The following ATAD2 variants were observed in gnomAD, a reference collection of about 807,000 sequenced individuals.
The protein encoded by ATAD2 is ATPase family AAA domain-containing protein 2.
In ATAD2, 62 loss-of-function variants were observed where a neutral mutation model predicts 168.9. The ratio of observed to expected loss-of-function variants is 0.37; its 90% CI spans 0.30 to 0.45. The LOEUF is 0.45. Ranked by LOEUF, ATAD2 falls within the 20% of genes least tolerant of loss-of-function variation. The pLI is 1.00. For missense variants in ATAD2, 1,419 were observed against 1,667.8 expected (o/e 0.85, Z 2.60); for synonymous variants, 613 against 571.6 (o/e 1.07, Z -1.03).
intron 24 of ATAD2, among the ~76,000 whole-genome samples, chr8:123,331,852 C>T (rs1315265214): frequency 2.6e-5 from 4 of 152,176 alleles, no homozygotes; most frequent in East Asian, 3.9e-4. Flanking sequence ...CATCACACAT[C>T]GTTTTAAGCA....
At chr8:123,326,687 AAACC>A (rs1827625300) in intron 25 of ATAD2, among the ~76,000 whole-genome samples, 1 of 152,170 alleles carries the variant, frequency 6.6e-6, no homozygotes, top group South Asian at 2.1e-4. Flanking sequence ...CAAAACAAAC[AAACC>A]AACCCAGCCA....
intron 7 of ATAD2, chr8:123,369,537 T>C (rs971162722): frequency 1.8e-5 from 7 of 390,472 alleles, no homozygotes; most frequent in African/African-American, 8.0e-5. Context: ...CCTATCTCTA[T>C]ACAAACTGAC....
chr8:123,343,837 C>T (rs1828145034), intron 19 of ATAD2, among the ~76,000 whole-genome samples: 2 of 152,016 alleles, frequency 1.3e-5, no homozygotes, highest in African/African-American at 4.8e-5. Context: ...TATTGAGAAA[C>T]TCTGATCAAA....
chr8:123,357,771 T>G (rs370464563), intron 11 of ATAD2, 35 bp from the exon 12 acceptor site: 1 of 1,527,386 alleles, frequency 6.5e-7, no homozygotes, highest in Admixed American at 2.3e-5. Flanking sequence ...TAGTATTACA[T>G]TTAAAAAGCA....
upstream of ATAD2, chr8:123,400,450 G>A (rs114825976): frequency 9.8e-3 from 3,474 of 356,138 alleles, 118 homozygotes; most frequent in African/African-American, 0.068. The surrounding 1 kb of genome is among the most constrained non-coding windows in gnomAD (Gnocchi z 4.5). Context: ...TGGGAGGATC[G>A]CTTGAGCCCA....
At chr8:123,406,471 C>G (rs1460584250) in intron 1 of ATAD2, among the ~76,000 whole-genome samples, 2 of 150,798 alleles carry the variant, frequency 1.3e-5, no homozygotes, top group African/African-American at 2.4e-5. Context: ...AGATGGCCAG[C>G]CAAAAGCTTT....
At chr8:123,382,258 G>T (rs1156561659) in intron 1 of ATAD2, among the ~76,000 whole-genome samples, 1 of 152,096 alleles carries the variant, frequency 6.6e-6, no homozygotes, top group Non-Finnish European at 1.5e-5. Flanking sequence ...ATTTATTTTT[G>T]ATTTGAGCAA....
intron 13 of ATAD2, among the ~76,000 whole-genome samples, chr8:123,351,315 G>A (rs1386061411): frequency 6.6e-6 from 1 of 152,028 alleles, no homozygotes; most frequent in African/African-American, 2.4e-5. Flanking sequence ...GACATTTTGG[G>A]CCAGATAATT....
In ATAD2 at chr8:123,396,391, G is replaced by A. The variant is rs758653767; in HGVS notation, c.-34C>T. ...CCTACTGGCCTCGGCGTGCGCGACC[G>A]GAGAGAGATCCAGCTCCAGGCGCTC... is the stretch of plus-strand genomic sequence containing the variant. On this transcript the variant is annotated 5_prime_UTR_variant, in exon 1 of 28. Transcript: ENST00000287394. 89 of 1,528,530 alleles carry A rather than the reference G, an allele frequency of 5.8e-5. No homozygotes were observed. In the Admixed American group the frequency reaches 6.4e-4, roughly 11 times the overall value. The allele number at this position is 1,528,530 out of a possible 1,614,324, so 94.7% of individuals were successfully genotyped here. A position where few individuals can be genotyped will look rare whatever the true frequency, so the allele number is the denominator to read the frequency against.
At chr8:123,339,897 CTTTTTTTT>C (rs55690697) in intron 19 of ATAD2, among the ~76,000 whole-genome samples, 1 of 145,638 alleles carries the variant, frequency 6.9e-6, no homozygotes. Context: ...TTTTTGTTTT[CTTTTTTTT>C]TTTAAGAGAC....
intron 1 of ATAD2, among the ~76,000 whole-genome samples, chr8:123,414,336 G>A (rs1367405974): frequency 6.6e-6 from 1 of 152,110 alleles, no homozygotes; most frequent in African/African-American, 2.4e-5. Context: ...CTTTGCCCAA[G>A]GTGACCCAAC....
chr8:123,403,725 A>G (rs1160058127), intron 1 of ATAD2, among the ~76,000 whole-genome samples: 1 of 152,154 alleles, frequency 6.6e-6, no homozygotes, highest in Non-Finnish European at 1.5e-5. Context: ...AGAATGAAAA[A>G]CTAGGAGGTT....
chr8:123,374,734 G>A (rs1829253311), intron 2 of ATAD2, among the ~76,000 whole-genome samples: 1 of 152,192 alleles, frequency 6.6e-6, no homozygotes, highest in African/African-American at 2.4e-5. Context: ...AGTGTTCCAA[G>A]GAAACTATTT....
At chr8:123,322,898 C>G in intron 27 of ATAD2, 40 bp downstream of exon 27, 1 of 1,592,630 alleles carries the variant, frequency 6.3e-7, no homozygotes, top group African/African-American at 1.3e-5. Flanking sequence ...TTAATGTGAC[C>G]ACAAGAGCAT....
upstream of ATAD2, among the ~76,000 whole-genome samples, chr8:123,400,273 A>G (rs1339546129): frequency 6.6e-6 from 1 of 152,246 alleles, no homozygotes; most frequent in African/African-American, 2.4e-5. This position sits in a 1 kb window ranked among gnomAD's most constrained non-coding sequence, Gnocchi z 4.5. Context: ...GGTTTTCCAG[A>G]GAATGGGAAG....
chr8:123,368,704 C>T lies in ATAD2; in HGVS notation c.1049+354G>A, dbSNP rs563469054. ...GATAGTATGCAAAGAAAAGACTAAA[C>T]CTATATTCTAACTTAATGTGAAGAT... is the stretch of plus-strand genomic sequence containing the variant. On this transcript the variant is annotated intron_variant, in intron 8 of 27. Coordinates refer to ENST00000287394, the MANE Select transcript of ATAD2 (RefSeq NM_014109.4). Among the ~76,000 whole-genome samples the T allele has an allele frequency of 1.3e-4, 20 of 152,230 alleles. No homozygotes were observed. The East Asian group carries it at 3.7e-3, about 28-fold the overall frequency.
chr8:123,331,071 G>A (rs1031700238), intron 24 of ATAD2, among the ~76,000 whole-genome samples: 6 of 152,142 alleles, frequency 3.9e-5, no homozygotes, highest in Non-Finnish European at 7.4e-5. Flanking sequence ...TACAGGAGGA[G>A]CTGGGATTAC....
chr8:123,352,613 G>C (rs1417301519), intron 13 of ATAD2: 1 of 151,868 alleles, frequency 6.6e-6, no homozygotes, highest in Non-Finnish European at 1.5e-5. Context: ...CAGTGCTGAA[G>C]AGGGTTCCGT....
intron 2 of ATAD2, among the ~76,000 whole-genome samples, chr8:123,378,029 C>T (rs754510766): frequency 6.6e-6 from 1 of 152,070 alleles, no homozygotes; most frequent in Non-Finnish European, 1.5e-5. Context: ...GTTAATGGAC[C>T]ACTACCTTAC....
Sources: gnomAD v4.1 joint callset for allele counts (sites outside exome capture counted in the v4.1 genomes callset) on GRCh38, gnomAD v4.1.1 for gene constraint, Gnocchi (gnomAD v3.1) non-coding constraint, MANE v1.5 for transcripts, NCBI Gene and HGNC (gene_info 2026-07-23, HGNC 2026-07-21) for gene names.